Variants in MAPK4 observed in about 807,000 individuals in gnomAD.
MAPK4 encodes the protein Erk3-related.
Under a neutral mutation model 47.7 loss-of-function variants are expected in MAPK4, and 22 were observed. The observed-to-expected ratio is 0.46, with a 90% CI of 0.33 to 0.66. The LOEUF is 0.66. MAPK4 is among the 30% of genes least tolerant of loss of function. MAPK4 has a pLI of 0.02. For synonymous variants in MAPK4, 390 were observed against 365.7 expected (o/e 1.07, Z -0.76); for missense variants, 736 against 831.7 (o/e 0.88, Z 1.42).
intron 1 of MAPK4, 58 bp downstream of exon 1, chr18:50,560,301 G>C (rs921464319): frequency 6.6e-6 from 1 of 152,088 alleles, no homozygotes; most frequent in African/African-American, 2.4e-5. Context: ...CTCGGAGTTC[G>C]GCGGGCTCCG....
intron 2 of MAPK4, among the ~76,000 whole-genome samples, chr18:50,691,857 CAG>C (rs1909234521): frequency 1.3e-5 from 2 of 152,126 alleles, no homozygotes; most frequent in African/African-American, 4.8e-5. Context: ...GCAGAGACGG[CAG>C]AGTCTTTTCT....
At chr18:50,571,646 C>G (rs2042251344) in intron 1 of MAPK4, among the ~76,000 whole-genome samples, 1 of 152,138 alleles carries the variant, frequency 6.6e-6, no homozygotes, top group Admixed American at 6.5e-5. Flanking sequence ...TATTTGAGAC[C>G]CATCAGGGCC....
intron 2 of MAPK4, among the ~76,000 whole-genome samples, chr18:50,694,927 C>A (rs997437134): frequency 9.9e-5 from 15 of 152,198 alleles, no homozygotes; most frequent in African/African-American, 3.4e-4. Flanking sequence ...ATTATTACTT[C>A]TTTACCTGGC....
At position 50,662,714 on chromosome 18, in the gene MAPK4, T is replaced by C. The variant is rs573730633; in HGVS notation, c.-870-375T>C. Among the ~76,000 whole-genome samples, 454 of 152,394 alleles carry C rather than the reference T, an allele frequency of 3.0e-3. 5 individuals are homozygous for C. The highest frequency in any genetic ancestry group is 0.011 in the African/African-American group (443 of 41,598). ...GTTTTCTGTCTGCAACTCATTGCTT[T>C]CTACTCTCACCCTTCCTAGCTAGCG... On this transcript the variant is annotated intron_variant, in intron 1 of 5. Transcript: ENST00000400384.
intron 2 of MAPK4, among the ~76,000 whole-genome samples, chr18:50,708,872 G>A (rs1031177332): frequency 6.6e-6 from 1 of 152,194 alleles, no homozygotes; most frequent in African/African-American, 2.4e-5. Flanking sequence ...TTTCCTCCCT[G>A]TAAAATAACT....
chr18:50,621,053 A>G (rs182696780), intron 1 of MAPK4, among the ~76,000 whole-genome samples: 147 of 152,332 alleles, frequency 9.6e-4, no homozygotes, highest in African/African-American at 3.2e-3. Flanking sequence ...ATTACTGGGC[A>G]CTGTGCTCAG....
intron 5 of MAPK4, among the ~76,000 whole-genome samples, chr18:50,727,801 A>G (rs1255593715): frequency 6.6e-6 from 1 of 152,176 alleles, no homozygotes; most frequent in Non-Finnish European, 1.5e-5. Flanking sequence ...GCTGTGGGCA[A>G]GCTCCTTACC....
chr18:50,689,968 G>A (rs915867527), intron 2 of MAPK4, among the ~76,000 whole-genome samples: 1 of 152,146 alleles, frequency 6.6e-6, no homozygotes, highest in Non-Finnish European at 1.5e-5. Context: ...GTGGGTCCTA[G>A]AATCTGGTCA....
chr18:50,696,240 A>G (rs1242602845), intron 2 of MAPK4, among the ~76,000 whole-genome samples: 1 of 146,874 alleles, frequency 6.8e-6, no homozygotes, highest in African/African-American at 2.7e-5. Flanking sequence ...TTGCTATTAC[A>G]AAAAATCAAA....
chr18:50,660,208 G>C lies in MAPK4; in HGVS notation c.-870-2881G>C, dbSNP rs553563641. ...CAGAAAATGAAGAGGCTTGAGAAGA[G>C]AGGCATAATAATAAACTCAAATGGG... On this transcript the variant is annotated intron_variant, in intron 1 of 5. Coordinates refer to ENST00000400384, the MANE Select transcript of MAPK4 (RefSeq NM_002747.4). Among the ~76,000 whole-genome samples the C allele has an allele frequency of 1.1e-4, 16 of 152,350 alleles. 1 individual carries two copies. In the South Asian group the frequency reaches 3.1e-3, roughly 30 times the overall value.
In MAPK4 at chr18:50,729,549, G is replaced by A; in HGVS notation, c.1459G>A (p.Ala487Thr). The change falls in exon 6 of 6, where the codon GCC (alanine) becomes ACC (threonine). Residue 487 changes from alanine to threonine, a missense_variant. Physicochemically the swap from Ala to Thr is moderately conservative, Grantham distance 58 (BLOSUM62 0). Around this residue, in one of 3 missense-constraint regions of MAPK4, gnomAD observed 377 missense variants for 378.6 expected, o/e 1.00. Transcript: ENST00000400384. ...ADTGAREDEP[A>T]SLFLEIAQWV... ...CACGGGGGCGCGCGAGGACGAGCCGGCCAGCCTCTTCCTGGAGATCGCGCA... is the reference window on the plus strand; with the variant it reads ...CACGGGGGCGCGCGAGGACGAGCCGACCAGCCTCTTCCTGGAGATCGCGCA... 1 of 1,428,170 alleles carries A rather than the reference G, an allele frequency of 7.0e-7. No homozygotes were observed. Among genetic ancestry groups the A allele is most frequent in the Non-Finnish European group, 9.2e-7 (1 of 1,090,620 alleles). The allele number at this position is 1,428,170 out of a possible 1,614,324, so 88.5% of individuals were successfully genotyped here.
intron 1 of MAPK4, among the ~76,000 whole-genome samples, chr18:50,614,246 G>A (rs1372461784): frequency 6.6e-6 from 1 of 151,960 alleles, no homozygotes; most frequent in Non-Finnish European, 1.5e-5. Context: ...GTGTTCAGTT[G>A]TCAGTAAGGA....
At chr18:50,572,872 C>T (rs1325631149) in intron 1 of MAPK4, among the ~76,000 whole-genome samples, 2 of 152,070 alleles carry the variant, frequency 1.3e-5, no homozygotes, top group Non-Finnish European at 2.9e-5. Context: ...TTATCACCAC[C>T]AAAAGCAACG....
chr18:50,700,385 A>G (rs1909725808), intron 2 of MAPK4, among the ~76,000 whole-genome samples: 1 of 152,260 alleles, frequency 6.6e-6, no homozygotes, highest in Non-Finnish European at 1.5e-5. Context: ...GTCCCTCTTG[A>G]CAAACTCTCC....
chr18:50,606,049 A>G (rs533636893), intron 1 of MAPK4, among the ~76,000 whole-genome samples: 19 of 151,240 alleles, frequency 1.3e-4, no homozygotes, highest in African/African-American at 4.6e-4. Flanking sequence ...GGAGTCAAAG[A>G]AAAAGGAGGT....
chr18:50,682,414 A>G (rs1329770063), intron 2 of MAPK4, among the ~76,000 whole-genome samples: 1 of 152,162 alleles, frequency 6.6e-6, no homozygotes, highest in Non-Finnish European at 1.5e-5. Flanking sequence ...TCTCCCAAAA[A>G]TTGAAGAGAA....
intron 1 of MAPK4, among the ~76,000 whole-genome samples, chr18:50,591,947 T>G (rs2042439988): frequency 6.6e-6 from 1 of 152,088 alleles, no homozygotes; most frequent in Non-Finnish European, 1.5e-5. Flanking sequence ...GGGGGACTAG[T>G]ATGGTCTCTG....
chr18:50,586,719 G>A (rs1421860189), intron 1 of MAPK4, among the ~76,000 whole-genome samples: 1 of 151,942 alleles, frequency 6.6e-6, no homozygotes, highest in Non-Finnish European at 1.5e-5. Flanking sequence ...TCTTTCTATT[G>A]TTACCTGTGT....
At chr18:50,576,528 T>C (rs1242945310) in intron 1 of MAPK4, among the ~76,000 whole-genome samples, 1 of 152,170 alleles carries the variant, frequency 6.6e-6, no homozygotes, top group Admixed American at 6.5e-5. Context: ...AAATCACCTC[T>C]CAGGTTCTAT....
Sources: gnomAD v4.1 joint callset for allele counts (sites outside exome capture counted in the v4.1 genomes callset) on GRCh38, gnomAD v4.1.1 for gene constraint, gnomAD v4.1.1 regional missense constraint, MANE v1.5 for transcripts, NCBI Gene and HGNC (gene_info 2026-07-23, HGNC 2026-07-21) for gene names.